Variants in RBFOX1 observed in about 807,000 individuals in gnomAD.
RBFOX1 encodes the protein RNA binding protein fox-1 homolog 1.
A neutral mutation model predicts 57.7 loss-of-function variants in RBFOX1; 8 were observed. The ratio of observed to expected loss-of-function variants is 0.14; its 90% CI spans 0.08 to 0.25. The LOEUF is 0.25. Ranked by LOEUF, RBFOX1 falls within the 10% of genes least tolerant of loss-of-function variation. RBFOX1 has a pLI of 1.00. For synonymous variants in RBFOX1, 326 were observed against 222.4 expected (o/e 1.47, Z -4.15); for missense variants, 611 against 548.5 (o/e 1.11, Z -1.14).
At chr16:6,453,034 C>A (rs965296354) in intron 2 of RBFOX1, among the ~76,000 whole-genome samples, 2 of 152,154 alleles carry the variant, frequency 1.3e-5, no homozygotes, top group African/African-American at 4.8e-5. Flanking sequence ...ATTGTCATTT[C>A]TTCCTCTTAT....
At chr16:6,561,006 C>T (rs985333888) in intron 2 of RBFOX1, among the ~76,000 whole-genome samples, 1 of 152,196 alleles carries the variant, frequency 6.6e-6, no homozygotes, top group Non-Finnish European at 1.5e-5. Context: ...CACTTAAAGA[C>T]AACTTCAAAC....
intron 2 of RBFOX1, among the ~76,000 whole-genome samples, chr16:5,490,321 T>C (rs980472862): frequency 2.6e-5 from 4 of 152,134 alleles, no homozygotes; most frequent in Non-Finnish European, 5.9e-5. Flanking sequence ...ACGATGTGGG[T>C]GGTATCACCT....
chr16:7,658,988 G>C (rs913563313), intron 12 of RBFOX1, among the ~76,000 whole-genome samples: 2 of 152,172 alleles, frequency 1.3e-5, no homozygotes, highest in Admixed American at 6.5e-5. Context: ...GCCTCCCAAA[G>C]TGCTGGGATT....
chr16:5,757,893 A>T (rs930894217), intron 3 of RBFOX1, among the ~76,000 whole-genome samples: 6 of 152,120 alleles, frequency 3.9e-5, no homozygotes, highest in Non-Finnish European at 7.4e-5. Context: ...AGAAGCTCTG[A>T]CAATAAATCT....
chr16:7,709,390 A>C, intron 15 of RBFOX1: 4 of 1,233,792 alleles, frequency 3.2e-6, no homozygotes, highest in Non-Finnish European at 4.3e-6. Context: ...TTAATGGAAT[A>C]ATTAGTCATT....
At chr16:5,303,004 C>T (rs992211109) in intron 1 of RBFOX1, among the ~76,000 whole-genome samples, 1 of 152,160 alleles carries the variant, frequency 6.6e-6, no homozygotes, top group Non-Finnish European at 1.5e-5. Flanking sequence ...ATTCTTTGTT[C>T]TTCCGTTTCT....
chr16:6,551,856 G>A (rs1364265304), intron 2 of RBFOX1, among the ~76,000 whole-genome samples: 4 of 152,192 alleles, frequency 2.6e-5, no homozygotes, highest in Non-Finnish European at 4.4e-5. Context: ...TTCTCTCTCA[G>A]TGCGTTGGTC....
chr16:5,915,700 C>CG (rs1427404408), intron 4 of RBFOX1, among the ~76,000 whole-genome samples: 2 of 152,058 alleles, frequency 1.3e-5, no homozygotes, highest in Non-Finnish European at 2.9e-5. Flanking sequence ...GGCATGGTGG[C>CG]GCTTGCCTGT....
chr16:5,407,214 C>A (rs538275747), intron 1 of RBFOX1, among the ~76,000 whole-genome samples: 5 of 152,298 alleles, frequency 3.3e-5, no homozygotes, highest in African/African-American at 9.6e-5. Context: ...CACTCAGTAT[C>A]ATGAGAACAG....
intron 3 of RBFOX1, among the ~76,000 whole-genome samples, chr16:6,659,091 G>T (rs573673473): frequency 1.3e-5 from 2 of 152,014 alleles, no homozygotes; most frequent in South Asian, 4.2e-4. Flanking sequence ...GTTTCTGCTG[G>T]GGCACTGAAG....
chr16:6,169,373 T>A (rs1408893485), intron 1 of RBFOX1, among the ~76,000 whole-genome samples: 1 of 152,108 alleles, frequency 6.6e-6, no homozygotes, highest in African/African-American at 2.4e-5. Context: ...GGGATTTGAA[T>A]TCTTATACAT....
chr16:7,596,071 CAA>C (rs1486181471), intron 8 of RBFOX1, among the ~76,000 whole-genome samples: 1 of 126,486 alleles, frequency 7.9e-6, no homozygotes, highest in Non-Finnish European at 1.6e-5. Context: ...ATTGGGAAAG[CAA>C]AAAAGATTGT....
At chr16:6,323,973 A>T (rs539393637) in intron 2 of RBFOX1, among the ~76,000 whole-genome samples, 1 of 152,226 alleles carries the variant, frequency 6.6e-6, no homozygotes, top group African/African-American at 2.4e-5. Context: ...GGGTTTTGCC[A>T]TGTTGGCCAG....
intron 3 of RBFOX1, among the ~76,000 whole-genome samples, chr16:5,733,947 C>A (rs892378135): frequency 1.3e-5 from 2 of 152,086 alleles, no homozygotes; most frequent in Admixed American, 6.5e-5. Context: ...TTCCTTCATG[C>A]TTCCTGACCT....
chr16:5,631,082 G>C (rs931056173), intron 3 of RBFOX1, among the ~76,000 whole-genome samples: 9 of 152,194 alleles, frequency 5.9e-5, no homozygotes, highest in Non-Finnish European at 4.4e-5. Context: ...GTGACTGTTG[G>C]CACTCAGAGG....
intron 3 of RBFOX1, among the ~76,000 whole-genome samples, chr16:6,806,199 G>C (rs2086725160): frequency 6.6e-6 from 1 of 152,110 alleles, no homozygotes; most frequent in Admixed American, 6.6e-5. Context: ...AGAAAAATTA[G>C]CAAATTAATT....
chr16:6,483,257 C>T (rs1385183932), intron 2 of RBFOX1: 2 of 1,282,658 alleles, frequency 1.6e-6, no homozygotes, highest in Non-Finnish European at 2.0e-6. Flanking sequence ...TCCCTTTGTG[C>T]GCGCCCGGGT....
chr16:7,418,791 T>A (rs1366821200), intron 4 of RBFOX1, among the ~76,000 whole-genome samples: 3 of 152,226 alleles, frequency 2.0e-5, no homozygotes, highest in Non-Finnish European at 4.4e-5. Context: ...TCTCTGTCTT[T>A]CTCTGTCTTC....
chr16:6,101,980 G>A (rs899934960), intron 1 of RBFOX1, among the ~76,000 whole-genome samples: 1 of 152,044 alleles, frequency 6.6e-6, no homozygotes, highest in Non-Finnish European at 1.5e-5. Context: ...GATTGCTTTG[G>A]CTTGATCACA....
Sources: allele counts gnomAD v4.1 joint callset (sites outside exome capture counted in the v4.1 genomes callset), GRCh38; gene constraint gnomAD v4.1.1; transcripts MANE v1.5; gene names NCBI Gene and HGNC (gene_info 2026-07-23, HGNC 2026-07-21).